Variants in RAF1 observed in about 807,000 individuals in gnomAD.
RAF1 encodes the protein Raf-1 proto-oncogene, serine/threonine kinase.
In RAF1, 27 loss-of-function variants were observed where a neutral mutation model predicts 81.1. That is an observed-to-expected ratio of 0.33 (90% confidence interval 0.25 to 0.46). The LOEUF (loss-of-function observed/expected upper bound fraction) is 0.46, where lower values mean the gene tolerates loss of function less well. Ranked by LOEUF, RAF1 falls within the 20% of genes least tolerant of loss-of-function variation. RAF1 has a pLI of 1.00. For missense variants in RAF1, 598 were observed against 826.0 expected (o/e 0.72, Z 3.38); for synonymous variants, 298 against 294.0 (o/e 1.01, Z -0.14).
At chr3:12,619,857 C>T (rs1004198674) in intron 1 of RAF1, among the ~76,000 whole-genome samples, 4 of 151,922 alleles carry the variant, frequency 2.6e-5, no homozygotes, top group African/African-American at 4.8e-5. Flanking sequence ...CCGAGATGGG[C>T]GGATCACAAG....
chr3:12,609,060 T>TA lies in RAF1; in HGVS notation c.424-138dup, dbSNP rs536442074. On this transcript the variant is annotated intron_variant, in intron 4 of 17. Coordinates refer to ENST00000442415, the MANE Select transcript of RAF1 (RefSeq NM_001354689.3). ...ATGTACAGAATTCATAATCACAAAT[T>TA]AGAGTATATCTCTGACTAATGAAAT... 1.5e-3 allele frequency: 1,758 copies of TA among 1,156,798 alleles called. 2 individuals carry two copies. Among genetic ancestry groups the TA allele is most frequent in the Non-Finnish European group, 2.1e-3 (1,626 of 787,458 alleles). The allele number at this position is 1,156,798 out of a possible 1,614,324, so 71.7% of individuals were successfully genotyped here.
chr3:12,628,386 G>A (rs1255106077), intron 1 of RAF1, among the ~76,000 whole-genome samples: 1 of 152,140 alleles, frequency 6.6e-6, no homozygotes, highest in Non-Finnish European at 1.5e-5. Context: ...AACTAGCCGG[G>A]TGTGGTGGCA....
chr3:12,627,769 G>A (rs573677751), intron 1 of RAF1, among the ~76,000 whole-genome samples: 15 of 152,270 alleles, frequency 9.9e-5, no homozygotes, highest in East Asian at 7.7e-4. Context: ...CTTCAAAGCC[G>A]TATCTTTCTA....
chr3:12,632,245 A>G (rs2059884491), intron 1 of RAF1, among the ~76,000 whole-genome samples: 1 of 146,710 alleles, frequency 6.8e-6, no homozygotes, highest in African/African-American at 2.5e-5. Context: ...AATTGTTTGA[A>G]CCCGGGAGGC....
chr3:12,590,118 ATT>A (rs2058462377), intron 13 of RAF1: 1 of 151,492 alleles, frequency 6.6e-6, no homozygotes, highest in Non-Finnish European at 1.5e-5. Context: ...AAAAAAAAAA[ATT>A]ATCCCAAAAA....
chr3:12,655,751 A>G (rs181368899), intron 1 of RAF1, among the ~76,000 whole-genome samples: 2 of 152,330 alleles, frequency 1.3e-5, no homozygotes, highest in Non-Finnish European at 2.9e-5. Context: ...AAAAAGGAAT[A>G]AAATACAGAT....
At chr3:12,592,776 C>T (rs1050239551) in intron 11 of RAF1, among the ~76,000 whole-genome samples, 5 of 145,734 alleles carry the variant, frequency 3.4e-5, no homozygotes, top group African/African-American at 1.3e-4. Context: ...CGCTCAGTCA[C>T]CCAGGCTGGA....
chr3:12,620,456 A>G (rs2059522321), intron 1 of RAF1, among the ~76,000 whole-genome samples: 1 of 151,736 alleles, frequency 6.6e-6, no homozygotes, highest in South Asian at 2.1e-4. Flanking sequence ...CCCTTCCTCC[A>G]TCCACACTTT....
intron 1 of RAF1, among the ~76,000 whole-genome samples, chr3:12,640,843 C>T (rs2060161599): frequency 1.3e-5 from 2 of 152,100 alleles, no homozygotes; most frequent in Non-Finnish European, 2.9e-5. Context: ...TACCATTTGA[C>T]CCAGCCATCT....
intron 1 of RAF1, among the ~76,000 whole-genome samples, chr3:12,642,256 C>G (rs1226940200): frequency 6.6e-6 from 1 of 151,294 alleles, no homozygotes; most frequent in Non-Finnish European, 1.5e-5. Context: ...CGAGACCATC[C>G]TGGCTAACAC....
At chr3:12,633,067 A>G (rs12634077) in intron 1 of RAF1, among the ~76,000 whole-genome samples, 88,952 of 151,970 alleles carry the variant, frequency 0.59, 26,719 homozygotes, top group East Asian at 0.92. Context: ...CTCAAAGACA[A>G]CAAATCTCAT....
At chr3:12,642,884 C>A (rs548766928) in intron 1 of RAF1, among the ~76,000 whole-genome samples, 6 of 149,112 alleles carry the variant, frequency 4.0e-5, no homozygotes, top group African/African-American at 1.5e-4. Flanking sequence ...AAGACTCTGT[C>A]TCAGAAAAAA....
At chr3:12,625,238 T>C (rs2059669415) in intron 1 of RAF1, among the ~76,000 whole-genome samples, 1 of 151,970 alleles carries the variant, frequency 6.6e-6, no homozygotes, top group Non-Finnish European at 1.5e-5. Context: ...CATGCGCCAC[T>C]ATGTCTGGCT....
In RAF1 at chr3:12,652,952, A is replaced by ATTTT. The variant is rs113267671; in HGVS notation, c.-27+10857_-27+10860dup. Among the ~76,000 whole-genome samples the ATTTT allele has an allele frequency of 1.3e-3, 191 of 151,202 alleles. 2 individuals are homozygous for ATTTT. The highest frequency in any genetic ancestry group is 5.1e-3 in the East Asian group (26 of 5,106). On this transcript the variant is annotated intron_variant, in intron 1 of 17. Coordinates refer to ENST00000442415, the MANE Select transcript of RAF1 (RefSeq NM_001354689.3). Reference sequence around the variant, plus strand: ...TGAGACTCCATCTCAAAAAAAAAAAATTTTTTTAATTAAATAAATAAATAA... The same window carrying ATTTT: ...TGAGACTCCATCTCAAAAAAAAAAAATTTTTTTTTTTAATTAAATAAATAAATAA...
intron 1 of RAF1, among the ~76,000 whole-genome samples, chr3:12,646,299 C>G (rs565649245): frequency 9.4e-4 from 143 of 152,274 alleles, no homozygotes; most frequent in African/African-American, 3.3e-3. Flanking sequence ...TTCATTCATG[C>G]AGCTAACATT....
At chr3:12,600,304 C>A (rs1347821657) in intron 9 of RAF1, 25 bp from the exon 9 acceptor site, 2 of 1,614,036 alleles carry the variant, frequency 1.2e-6, no homozygotes, top group South Asian at 1.1e-5. Flanking sequence ...CAAACAGAAG[C>A]CACACAAGGA....
At chr3:12,589,831 C>T (rs1218568179) in intron 13 of RAF1, 1 of 148,848 alleles carries the variant, frequency 6.7e-6, no homozygotes, top group East Asian at 2.0e-4. Flanking sequence ...GGCTCTGTCA[C>T]CCAGGCTAGA....
intron 1 of RAF1, among the ~76,000 whole-genome samples, chr3:12,647,998 C>A (rs2060407251): frequency 1.3e-5 from 2 of 151,920 alleles, no homozygotes; most frequent in Non-Finnish European, 2.9e-5. Context: ...TAAAACAAAT[C>A]AGTTCCACAA....
intron 11 of RAF1, among the ~76,000 whole-genome samples, chr3:12,597,838 G>A (rs889273525): frequency 6.6e-6 from 1 of 151,664 alleles, no homozygotes; most frequent in African/African-American, 2.4e-5. Context: ...TGGCTAGCTT[G>A]AGCCCAGGAG....
Sources: allele counts gnomAD v4.1 joint callset (sites outside exome capture counted in the v4.1 genomes callset), GRCh38; gene constraint gnomAD v4.1.1; transcripts MANE v1.5; gene names NCBI Gene and HGNC (gene_info 2026-07-23, HGNC 2026-07-21).